The following CSMD3 variants were observed in gnomAD, a reference collection of about 807,000 sequenced individuals.
The protein encoded by CSMD3 is CUB and sushi domain-containing protein 3.
CSMD3 carries 177 observed loss-of-function variants against 435.2 expected under a neutral mutation model. That is an observed-to-expected ratio of 0.41 (90% CI 0.36 to 0.46). The LOEUF is 0.46. Ranked by LOEUF, CSMD3 falls within the 20% of genes least tolerant of loss-of-function variation. The pLI is 0.34. For missense variants in CSMD3, 4,265 were observed against 4,504.6 expected (o/e 0.95, Z 1.52); for synonymous variants, 1,656 against 1,520.5 (o/e 1.09, Z -2.07).
At chr8:112,668,447 T>C (rs2075577944) in intron 16 of CSMD3, among the ~76,000 whole-genome samples, 1 of 151,988 alleles carries the variant, frequency 6.6e-6, no homozygotes, top group African/African-American at 2.4e-5. Flanking sequence ...AGGTAATTAG[T>C]CATAAAATTA....
intron 13 of CSMD3, among the ~76,000 whole-genome samples, chr8:112,725,973 T>G (rs990119445): frequency 6.6e-6 from 1 of 151,986 alleles, no homozygotes; most frequent in Non-Finnish European, 1.5e-5. Context: ...TGATTCACAG[T>G]TCAGCATGGC....
chr8:112,645,114 C>T lies in CSMD3; in HGVS notation c.3305G>A (p.Gly1102Glu), dbSNP rs2074943318. The T allele has an allele frequency of 6.7e-7, 1 of 1,496,390 alleles. No homozygotes were observed. The highest frequency in any genetic ancestry group is 9.3e-7 in the Non-Finnish European group (1 of 1,072,808). 92.7% of individuals were successfully genotyped at this position (1,496,390 alleles called of 1,614,324 possible). A position where few individuals can be genotyped will look rare whatever the true frequency, so the allele number is the denominator to read the frequency against. The part of the protein sequence containing the change: ...NCTWTVDVTH[G>E]KGVQFNFHTF... ...TATTTCATGAGGCAAATTACCTTTT[C>T]CATGGGTTACATCAACAGTCCATGT... The change falls in exon 20 of 71, where the codon GGA becomes GAA. Residue 1102 changes from glycine to glutamate, a missense_variant. By Grantham distance (98) the Gly-to-Glu change is moderately conservative. Transcript: ENST00000297405.
At chr8:112,817,072 G>C (rs565964960) in intron 12 of CSMD3, among the ~76,000 whole-genome samples, 2 of 152,018 alleles carry the variant, frequency 1.3e-5, no homozygotes, top group South Asian at 4.1e-4. Flanking sequence ...GTCATCCAAC[G>C]TTAGTGCATA....
chr8:113,284,387 A>T (rs2093631838), intron 2 of CSMD3, among the ~76,000 whole-genome samples: 2 of 152,196 alleles, frequency 1.3e-5, no homozygotes, highest in South Asian at 4.1e-4. Flanking sequence ...ATTCACACTA[A>T]GAATTGTGTT....
intron 1 of CSMD3, among the ~76,000 whole-genome samples, chr8:113,380,607 A>G (rs1239613789): frequency 6.6e-6 from 1 of 152,200 alleles, no homozygotes; most frequent in Non-Finnish European, 1.5e-5. Flanking sequence ...ACCACAATTT[A>G]CTAACACATC....
intron 27 of CSMD3, among the ~76,000 whole-genome samples, chr8:112,538,433 C>G (rs1049958723): frequency 6.6e-6 from 1 of 152,004 alleles, no homozygotes; most frequent in African/African-American, 2.4e-5. Context: ...ATGACATGAT[C>G]TTATATTTAG....
intron 68 of CSMD3, 103 bp downstream of exon 68, chr8:112,234,262 G>A (rs1813363713): frequency 4.1e-6 from 3 of 726,268 alleles, no homozygotes; most frequent in Non-Finnish European, 7.4e-6. Flanking sequence ...ATATGTATGT[G>A]TATGTATTCA....
intron 20 of CSMD3, among the ~76,000 whole-genome samples, chr8:112,641,920 G>A (rs1001482128): frequency 3.9e-5 from 6 of 152,096 alleles, no homozygotes; most frequent in African/African-American, 1.4e-4. Flanking sequence ...AGAAGTTTGT[G>A]ATGGTGAGGA....
intron 31 of CSMD3, among the ~76,000 whole-genome samples, chr8:112,486,539 T>C (rs1820152715): frequency 6.6e-6 from 1 of 152,152 alleles, no homozygotes; most frequent in Non-Finnish European, 1.5e-5. Context: ...TCCTCCTCCT[T>C]ATGCTCTTGT....
At chr8:112,889,000 C>T (rs2081697592) in intron 10 of CSMD3, among the ~76,000 whole-genome samples, 1 of 151,596 alleles carries the variant, frequency 6.6e-6, no homozygotes, top group African/African-American at 2.4e-5. Flanking sequence ...AACATTGATT[C>T]CACTGGATAT....
At chr8:113,201,799 C>T (rs866384390) in intron 3 of CSMD3, among the ~76,000 whole-genome samples, 2 of 151,902 alleles carry the variant, frequency 1.3e-5, no homozygotes, top group Non-Finnish European at 2.9e-5. Context: ...TTGCATGATT[C>T]GTTCAATTTA....
chr8:113,117,458 G>GT (rs530916424), intron 4 of CSMD3, among the ~76,000 whole-genome samples: 1 of 152,324 alleles, frequency 6.6e-6, no homozygotes, highest in South Asian at 2.1e-4. Context: ...GAAATTTGCT[G>GT]TGGAAGTGGA....
At chr8:112,293,847 C>A (rs1820007029) in intron 54 of CSMD3, among the ~76,000 whole-genome samples, 1 of 152,136 alleles carries the variant, frequency 6.6e-6, no homozygotes, top group African/African-American at 2.4e-5. Context: ...TATTTTTCAG[C>A]TGTATTGTTA....
chr8:112,317,871 G>C (rs958075482), intron 47 of CSMD3, among the ~76,000 whole-genome samples: 3 of 151,992 alleles, frequency 2.0e-5, no homozygotes, highest in Non-Finnish European at 4.4e-5. Flanking sequence ...ACAAGAAACA[G>C]ATTTCCAAAC....
intron 13 of CSMD3, among the ~76,000 whole-genome samples, chr8:112,712,687 G>C (rs1415580549): frequency 6.6e-6 from 1 of 151,640 alleles, no homozygotes; most frequent in Admixed American, 6.6e-5. Flanking sequence ...TTTTAATCTT[G>C]AATATTTGCT....
intron 1 of CSMD3, among the ~76,000 whole-genome samples, chr8:113,384,037 T>C (rs1183344693): frequency 6.6e-6 from 1 of 152,186 alleles, no homozygotes; most frequent in Non-Finnish European, 1.5e-5. Context: ...TACACAAATT[T>C]ATAGGGTGTG....
chr8:112,655,635 C>T (rs576318431), intron 18 of CSMD3, among the ~76,000 whole-genome samples: 11 of 151,830 alleles, frequency 7.2e-5, no homozygotes, highest in African/African-American at 1.9e-4. Flanking sequence ...ATAGTTTTCT[C>T]GACTTATATT....
chr8:113,173,671 C>G (rs1213316374), intron 4 of CSMD3, 51 bp downstream of exon 4: 2 of 1,433,974 alleles, frequency 1.4e-6, no homozygotes, highest in Admixed American at 1.7e-5. Context: ...ACACATTTTT[C>G]AAATACACTG....
intron 1 of CSMD3, among the ~76,000 whole-genome samples, chr8:113,409,115 A>C (rs2094546654): frequency 9.0e-6 from 1 of 111,148 alleles, no homozygotes; most frequent in African/African-American, 3.6e-5. Flanking sequence ...ATGGAGTCTC[A>C]CTCTGTCTCT....
Sources: allele counts gnomAD v4.1 joint callset (sites outside exome capture counted in the v4.1 genomes callset), GRCh38; gene constraint gnomAD v4.1.1; transcripts MANE v1.5; gene names NCBI Gene and HGNC (gene_info 2026-07-23, HGNC 2026-07-21).